The following CACNA1C variants were observed in gnomAD, a reference collection of about 807,000 sequenced individuals.
The protein encoded by CACNA1C is voltage-dependent L-type calcium channel subunit alpha-1C.
A neutral mutation model predicts 229.0 loss-of-function variants in CACNA1C; 30 were observed. The ratio of observed to expected loss-of-function variants is 0.13; its 90% CI spans 0.10 to 0.18. The LOEUF is 0.18. Ranked by LOEUF, CACNA1C falls within the 10% of genes least tolerant of loss-of-function variation. The probability of loss-of-function intolerance (pLI) is 1.00; values close to 1 mark genes in which losing one functional copy is unlikely to be tolerated. For synonymous variants in CACNA1C, 1,114 were observed against 1,132.5 expected (o/e 0.98, Z 0.33); for missense variants, 1,658 against 2,845.0 (o/e 0.58, Z 9.49).
intron 9 of CACNA1C, among the ~76,000 whole-genome samples, chr12:2,524,928 C>T (rs562251887): frequency 4.0e-4 from 61 of 152,262 alleles, no homozygotes; most frequent in African/African-American, 1.2e-3. Flanking sequence ...GCAGGTCACA[C>T]GGCCAAAAGA....
intron 39 of CACNA1C, among the ~76,000 whole-genome samples, chr12:2,675,692 G>A (rs2096772919): frequency 6.6e-6 from 1 of 152,218 alleles, no homozygotes; most frequent in South Asian, 2.1e-4. Context: ...GCAAAACAAT[G>A]TCCTGTGTTC....
At chr12:2,609,279 G>GT (rs1372266297) in intron 27 of CACNA1C, among the ~76,000 whole-genome samples, 3 of 152,112 alleles carry the variant, frequency 2.0e-5, no homozygotes, top group Non-Finnish European at 2.9e-5. Context: ...AGCTGTCGTG[G>GT]TGGGAGGTAG....
intron 13 of CACNA1C, among the ~76,000 whole-genome samples, chr12:2,579,977 G>A (rs114053404): frequency 0.045 from 6,825 of 152,200 alleles, 530 homozygotes; most frequent in African/African-American, 0.15. Context: ...CCCCAGAGAG[G>A]TTCTCTTACT....
At chr12:2,178,614 G>A (rs1200559747) in intron 3 of CACNA1C, among the ~76,000 whole-genome samples, 4 of 152,180 alleles carry the variant, frequency 2.6e-5, no homozygotes, top group Non-Finnish European at 5.9e-5. Context: ...CCTGGAAAAT[G>A]CCTTCCTTTC....
At chr12:2,270,496 G>A (rs748637630) in intron 3 of CACNA1C, among the ~76,000 whole-genome samples, 5 of 152,192 alleles carry the variant, frequency 3.3e-5, no homozygotes, top group East Asian at 1.9e-4. Context: ...CAAGGCAACC[G>A]TCTTGCTGAG....
chr12:1,994,497 G>C (rs1291578096), intron 1 of CACNA1C, among the ~76,000 whole-genome samples: 1 of 152,178 alleles, frequency 6.6e-6, no homozygotes, highest in Non-Finnish European at 1.5e-5. Context: ...TAAAGTGGTG[G>C]TAAGCATACA....
At chr12:2,369,351 G>A (rs1227534010) in intron 3 of CACNA1C, among the ~76,000 whole-genome samples, 1 of 151,948 alleles carries the variant, frequency 6.6e-6, no homozygotes, top group African/African-American at 2.4e-5. Flanking sequence ...GAAGGTGGGC[G>A]AGGGCAGGGA....
At chr12:2,083,656 A>T (rs2066494742) in intron 1 of CACNA1C, among the ~76,000 whole-genome samples, 1 of 152,216 alleles carries the variant, frequency 6.6e-6, no homozygotes, top group Non-Finnish European at 1.5e-5. Context: ...TAAACTTTAA[A>T]ACAATACAAA....
rs1332239201 is a variant in CACNA1C at position 2,029,850 on chromosome 12, T to G, written c.139+58649T>G. Among the ~76,000 whole-genome samples, 1 of 152,230 alleles carries G rather than the reference T, an allele frequency of 6.6e-6. No homozygotes were observed. Among genetic ancestry groups the G allele is most frequent in the African/African-American group, 2.4e-5 (1 of 41,458 alleles). On this transcript the variant is annotated intron_variant, in intron 1 of 46. Coordinates refer to the CACNA1C transcript ENST00000682462. The surrounding 1 kb of genome is among the most constrained non-coding windows in gnomAD (Gnocchi z 4.9). ...TAGCTGCTGCTATGCTGGTGGGACC[T>G]GCTCTGTTAGGTTCCCTGCCTGTCA...
intron 43 of CACNA1C, among the ~76,000 whole-genome samples, chr12:2,683,040 A>AT (rs2097257003): frequency 6.6e-6 from 1 of 152,106 alleles, no homozygotes; most frequent in Non-Finnish European, 1.5e-5. Flanking sequence ...ATGCACATAC[A>AT]TATATAGATA....
intron 3 of CACNA1C, among the ~76,000 whole-genome samples, chr12:2,228,775 C>T (rs1410023256): frequency 1.3e-5 from 2 of 152,178 alleles, no homozygotes; most frequent in Non-Finnish European, 2.9e-5. Context: ...CCACTTTTCC[C>T]ATCTGTGACT....
intron 3 of CACNA1C, among the ~76,000 whole-genome samples, chr12:2,400,481 G>A (rs1375087613): frequency 1.3e-5 from 2 of 152,114 alleles, no homozygotes; most frequent in Non-Finnish European, 2.9e-5. Flanking sequence ...TCCTTTTACC[G>A]AATAATTTCA....
intron 43 of CACNA1C, among the ~76,000 whole-genome samples, chr12:2,685,314 G>C (rs573188815): frequency 0.016 from 2,399 of 150,840 alleles, 50 homozygotes; most frequent in African/African-American, 0.057. Context: ...TGGCAGGGCG[G>C]GAGAAATCGG....
chr12:2,278,293 C>T (rs1267852979), intron 3 of CACNA1C, among the ~76,000 whole-genome samples: 1 of 152,200 alleles, frequency 6.6e-6, no homozygotes, highest in African/African-American at 2.4e-5. Context: ...TAACAAACTG[C>T]ACATATTTCA....
chr12:2,439,471 C>T (rs115828374), intron 3 of CACNA1C, among the ~76,000 whole-genome samples: 3,101 of 152,278 alleles, frequency 0.02, 112 homozygotes, highest in African/African-American at 0.07. Context: ...CATGTCTTGG[C>T]TGGGGCAGTG....
chr12:2,037,902 G>A (rs2049416571), intron 1 of CACNA1C, among the ~76,000 whole-genome samples: 2 of 151,954 alleles, frequency 1.3e-5, no homozygotes, highest in Admixed American at 1.3e-4. Flanking sequence ...GAGGCCCCCT[G>A]GTCTAGCCCA....
intron 3 of CACNA1C, among the ~76,000 whole-genome samples, chr12:2,184,860 A>G (rs1446192271): frequency 6.6e-6 from 1 of 152,202 alleles, no homozygotes; most frequent in Non-Finnish European, 1.5e-5. Flanking sequence ...AAACATGCCC[A>G]TTAGCACTGA....
intron 3 of CACNA1C, among the ~76,000 whole-genome samples, chr12:2,366,489 T>TGG (rs1197969945): frequency 6.6e-6 from 1 of 152,222 alleles, no homozygotes; most frequent in Non-Finnish European, 1.5e-5. Context: ...AGGTGTTACA[T>TGG]GTATTTTAAA....
intron 3 of CACNA1C, among the ~76,000 whole-genome samples, chr12:2,341,534 C>A (rs933775259): frequency 6.6e-6 from 1 of 152,214 alleles, no homozygotes; most frequent in African/African-American, 2.4e-5. Context: ...TAGCCACAGG[C>A]CCCTGTGCAC....
Sources: allele counts gnomAD v4.1 joint callset (sites outside exome capture counted in the v4.1 genomes callset), GRCh38; gene constraint gnomAD v4.1.1; non-coding constraint Gnocchi (gnomAD v3.1); transcripts MANE v1.5; gene names NCBI Gene and HGNC (gene_info 2026-07-23, HGNC 2026-07-21).